The following CCDC30 variants were observed in gnomAD, a reference collection of about 807,000 sequenced individuals.
The protein encoded by CCDC30 is coiled-coil domain-containing protein 30.
CCDC30 carries 70 observed loss-of-function variants against 100.2 expected under a neutral mutation model. The observed-to-expected ratio is 0.70, with a 90% confidence interval of 0.58 to 0.85. CCDC30 has a LOEUF of 0.85. Among genes scored for constraint, CCDC30 ranks in the 40% least tolerant of loss-of-function variants. The pLI, the probability that CCDC30 is intolerant of heterozygous loss-of-function variation, is 0.00. For synonymous variants in CCDC30, 233 were observed against 269.5 expected (o/e 0.86, Z 1.33); for missense variants, 652 against 771.2 (o/e 0.85, Z 1.83).
chr1:42,569,733 C>T (rs1400786154), intron 7 of CCDC30, among the ~76,000 whole-genome samples: 2 of 152,154 alleles, frequency 1.3e-5, no homozygotes, highest in African/African-American at 4.8e-5. Flanking sequence ...ACCCAAATGC[C>T]CATCAATGAT....
In CCDC30 at chr1:42,536,231, C is replaced by A. The variant is rs1286322040; in HGVS notation, c.457-30065C>A. 2.6e-5 allele frequency among the ~76,000 whole-genome samples: 4 copies of A among 152,014 alleles called. No homozygotes were observed. In the East Asian group the frequency reaches 5.8e-4, roughly 22 times the overall value. Reference sequence around the variant, plus strand: ...GTGATTAAATTTTATAAAATACTTTCAAAATCACATTTTATTCCTACTGTG... The same window carrying A: ...GTGATTAAATTTTATAAAATACTTTAAAAATCACATTTTATTCCTACTGTG... On this transcript the variant is annotated intron_variant, in intron 6 of 16. Transcript: ENST00000668663.
At chr1:42,552,849 C>T (rs1645281908) in intron 6 of CCDC30, among the ~76,000 whole-genome samples, 1 of 152,032 alleles carries the variant, frequency 6.6e-6, no homozygotes, top group Admixed American at 6.5e-5. Context: ...GAGAAGTGTG[C>T]CTCCTCCCTT....
intron 6 of CCDC30, among the ~76,000 whole-genome samples, chr1:42,554,539 A>T (rs1010286399): frequency 1.2e-4 from 18 of 149,390 alleles, no homozygotes; most frequent in Admixed American, 2.7e-4. Context: ...CACCTCCCAA[A>T]GTGCTGGGAT....
chr1:42,531,134 A>G (rs758037079), intron 6 of CCDC30, among the ~76,000 whole-genome samples: 3 of 24,170 alleles, frequency 1.2e-4, no homozygotes, highest in Non-Finnish European at 3.9e-4. Context: ...TTTTAGTAAT[A>G]GTGAGTGAGT....
At chr1:42,584,689 G>C (rs1646034590) in intron 9 of CCDC30, among the ~76,000 whole-genome samples, 1 of 152,160 alleles carries the variant, frequency 6.6e-6, no homozygotes, top group Non-Finnish European at 1.5e-5. Context: ...AATCTTCTCA[G>C]TAAGATGAAG....
At chr1:42,600,840 TCTCC>T (rs1646391100) in intron 10 of CCDC30, among the ~76,000 whole-genome samples, 2 of 151,844 alleles carry the variant, frequency 1.3e-5, no homozygotes. Flanking sequence ...ACTCTTGCTC[TCTCC>T]CTCCCTCCCT....
At chr1:42,593,686 G>A (rs1452421703) in intron 10 of CCDC30, 1 of 152,364 alleles carries the variant, frequency 6.6e-6, no homozygotes, top group Non-Finnish European at 1.5e-5. Context: ...CTTCTCATTA[G>A]TTTACAAAAA....
chr1:42,485,848 A>G (rs1007414143), intron 3 of CCDC30, among the ~76,000 whole-genome samples: 9 of 152,146 alleles, frequency 5.9e-5, no homozygotes, highest in Admixed American at 3.9e-4. Flanking sequence ...TGTACCCCAT[A>G]AACATATACA....
chr1:42,518,301 A>G (rs1342941085), intron 6 of CCDC30, among the ~76,000 whole-genome samples: 2 of 152,102 alleles, frequency 1.3e-5, no homozygotes, highest in Admixed American at 1.3e-4. Context: ...CAACTAATTT[A>G]TGTGTGTTGA....
the CCDC30 span, chr1:42,456,207 A>G: frequency 1.6e-6 from 1 of 620,192 alleles, no homozygotes; most frequent in East Asian, 2.8e-5. Flanking sequence ...CACAAGTCCC[A>G]CGGGTCAAAT....
At chr1:42,542,543 T>TTTTTTTTA (rs1645033542) in intron 6 of CCDC30, among the ~76,000 whole-genome samples, 1 of 94,548 alleles carries the variant, frequency 1.1e-5, no homozygotes, top group African/African-American at 3.6e-5. Context: ...ATTTTTCTTT[T>TTTTTTTTA]TTTTTTTTTT....
the CCDC30 span, among the ~76,000 whole-genome samples, chr1:42,457,967 AAAAC>A: frequency 6.6e-6 from 1 of 151,596 alleles, no homozygotes; most frequent in African/African-American, 2.4e-5. Flanking sequence ...AAAAAAAAAA[AAAAC>A]ACCAAAAATC....
intron 1 of CCDC30, among the ~76,000 whole-genome samples, chr1:42,471,294 T>A (rs12047826): frequency 0.24 from 36,652 of 151,998 alleles, 4,787 homozygotes; most frequent in South Asian, 0.42. Context: ...TAGACTCCCC[T>A]ACTCCACCCC....
intron 7 of CCDC30, among the ~76,000 whole-genome samples, chr1:42,576,255 G>C (rs76029618): frequency 6.6e-6 from 1 of 152,334 alleles, no homozygotes; most frequent in East Asian, 1.9e-4. Flanking sequence ...CCCCAGACTA[G>C]AGTGGTGGCA....
chr1:42,548,790 G>A (rs986454490), intron 6 of CCDC30, among the ~76,000 whole-genome samples: 1 of 152,102 alleles, frequency 6.6e-6, no homozygotes, highest in Admixed American at 6.6e-5. Context: ...CAGGACTTGG[G>A]GTGAAGAAGG....
intron 1 of CCDC30, among the ~76,000 whole-genome samples, chr1:42,477,953 G>A (rs1027178336): frequency 1.7e-4 from 26 of 152,202 alleles, no homozygotes; most frequent in African/African-American, 3.9e-4. Flanking sequence ...AGTGGTTCAC[G>A]TGAGTGAATG....
At chr1:42,529,142 T>TGTAAA (rs1306397862) in intron 6 of CCDC30, among the ~76,000 whole-genome samples, 1 of 152,198 alleles carries the variant, frequency 6.6e-6, no homozygotes, top group African/African-American at 2.4e-5. Flanking sequence ...CTGTAAATAT[T>TGTAAA]TCTTCTTTTT....
intron 15 of CCDC30, among the ~76,000 whole-genome samples, chr1:42,650,252 G>T (rs187919057): frequency 6.6e-6 from 1 of 152,046 alleles, no homozygotes. Flanking sequence ...GGAGGCTGAG[G>T]GGGGCAGATT....
At chr1:42,487,195 T>A (rs1032293032) in intron 3 of CCDC30, among the ~76,000 whole-genome samples, 10 of 151,832 alleles carry the variant, frequency 6.6e-5, no homozygotes, top group Non-Finnish European at 1.3e-4. Flanking sequence ...TAAGTGCATA[T>A]GATTTTCTTA....
Sources: gnomAD v4.1 joint callset for allele counts (sites outside exome capture counted in the v4.1 genomes callset) on GRCh38, gnomAD v4.1.1 for gene constraint, MANE v1.5 for transcripts, NCBI Gene and HGNC (gene_info 2026-07-23, HGNC 2026-07-21) for gene names.